RBFOX1: variants seen among roughly 807,000 people sequenced by gnomAD.
RBFOX1 encodes the protein RNA binding protein fox-1 homolog 1.
A neutral mutation model predicts 57.7 loss-of-function variants in RBFOX1; 8 were observed. The observed-to-expected ratio is 0.14, with a 90% CI of 0.08 to 0.25. RBFOX1 has a LOEUF of 0.25. Among genes scored for constraint, RBFOX1 ranks in the 10% least tolerant of loss-of-function variants. The pLI is 1.00. For synonymous variants in RBFOX1, 326 were observed against 222.4 expected, an observed-to-expected ratio of 1.47 and a Z score of -4.15; for missense variants, 611 against 548.5, an observed-to-expected ratio of 1.11 and a Z score of -1.14.
At chr16:6,164,362 T>A (rs1479113783) in intron 1 of RBFOX1, among the ~76,000 whole-genome samples, 1 of 152,186 alleles carries the variant, frequency 6.6e-6, no homozygotes, top group Non-Finnish European at 1.5e-5. Flanking sequence ...ATAGGATTGT[T>A]CTTTGCATAC....
intron 3 of RBFOX1, among the ~76,000 whole-genome samples, chr16:6,859,199 A>ATATATATACGTG (rs1567594061): frequency 3.7e-5 from 4 of 107,784 alleles, no homozygotes; most frequent in Admixed American, 9.1e-5. Flanking sequence ...ATATATATGT[A>ATATATATACGTG]TATATATATA....
At chr16:5,872,336 T>A (rs1222290581) in intron 4 of RBFOX1, among the ~76,000 whole-genome samples, 1 of 152,226 alleles carries the variant, frequency 6.6e-6, no homozygotes, top group Non-Finnish European at 1.5e-5. Context: ...GTTATGTGAC[T>A]GTAGTCAAGT....
At chr16:5,885,198 C>A (rs536910560) in intron 4 of RBFOX1, among the ~76,000 whole-genome samples, 3 of 151,968 alleles carry the variant, frequency 2.0e-5, no homozygotes, top group Non-Finnish European at 4.4e-5. Context: ...TCAGGTTTCT[C>A]AGCGCCTCCT....
chr16:5,627,389 A>G lies in RBFOX1; in HGVS notation c.318+28428A>G, dbSNP rs1176106629. On this transcript the variant is annotated intron_variant, in intron 3 of 19. Transcript: ENST00000641259. The stretch of plus-strand genomic sequence containing the variant: ...CAAATTGTGTATCCCACATTCAGCA[A>G]TTTTGCCTTTTAACCATAGTGATCT... Among the ~76,000 whole-genome samples, 4 of 151,678 alleles carry G rather than the reference A, an allele frequency of 2.6e-5. No individual in the cohort carries two copies. In the East Asian group the frequency reaches 5.8e-4, roughly 22 times the overall value.
At chr16:5,325,015 A>T (rs2064525513) in intron 1 of RBFOX1, among the ~76,000 whole-genome samples, 1 of 152,194 alleles carries the variant, frequency 6.6e-6, no homozygotes, top group Non-Finnish European at 1.5e-5. Context: ...TGAAATCTGT[A>T]CAACAAACAG....
intron 3 of RBFOX1, among the ~76,000 whole-genome samples, chr16:6,847,702 C>T (rs892254451): frequency 4.6e-5 from 7 of 152,110 alleles, no homozygotes; most frequent in East Asian, 1.9e-4. Context: ...CAGTGATCGT[C>T]AGGATTAGAG....
intron 3 of RBFOX1, among the ~76,000 whole-genome samples, chr16:5,748,630 C>T (rs1209766382): frequency 6.6e-6 from 1 of 152,098 alleles, no homozygotes; most frequent in Non-Finnish European, 1.5e-5. Context: ...ATATAATGGC[C>T]TTCTTTGTCT....
chr16:6,909,016 G>A (rs1021708442), intron 3 of RBFOX1, among the ~76,000 whole-genome samples: 4 of 152,110 alleles, frequency 2.6e-5, no homozygotes, highest in Admixed American at 6.5e-5. Flanking sequence ...TTCCATTTCT[G>A]TAGGAGGTTC....
chr16:6,005,678 A>G (rs1427334394), intron 4 of RBFOX1, among the ~76,000 whole-genome samples: 4 of 152,232 alleles, frequency 2.6e-5, no homozygotes, highest in African/African-American at 9.6e-5. Context: ...GTCTCTAGAC[A>G]TTGCCAAATG....
chr16:7,076,454 T>C (rs773391436), intron 4 of RBFOX1, among the ~76,000 whole-genome samples: 6 of 151,970 alleles, frequency 3.9e-5, no homozygotes, highest in Non-Finnish European at 7.4e-5. Context: ...GTTAAGAAAA[T>C]AGGATATACC....
chr16:7,130,657 C>T (rs1013954083), intron 4 of RBFOX1, among the ~76,000 whole-genome samples: 1 of 152,048 alleles, frequency 6.6e-6, no homozygotes, highest in African/African-American at 2.4e-5. Flanking sequence ...TCTCCAGTGC[C>T]TTTTTACTTG....
At chr16:7,132,772 C>G (rs1179503170) in intron 4 of RBFOX1, among the ~76,000 whole-genome samples, 6 of 151,846 alleles carry the variant, frequency 4.0e-5, no homozygotes, top group Admixed American at 2.0e-4. Flanking sequence ...ATAGCTATTT[C>G]AAATACTGAA....
rs556339639 is a variant in RBFOX1 at position 7,022,358 on chromosome 16, G to T, written c.-15-29699G>T. 7.9e-5 allele frequency among the ~76,000 whole-genome samples: 12 copies of T among 151,866 alleles called. No individual in the cohort carries two copies. The East Asian group carries it at 2.2e-3, about 27-fold the overall frequency. ...ATGAACCACCACTGCACCTGGCCGT[G>T]AACCCCATATTCTTAAAGATGGTAG... On this transcript the variant is annotated intron_variant, in intron 3 of 15. Transcript: ENST00000550418.
chr16:6,324,723 A>C (rs1013173351), intron 2 of RBFOX1, among the ~76,000 whole-genome samples: 2 of 152,206 alleles, frequency 1.3e-5, no homozygotes, highest in African/African-American at 4.8e-5. Flanking sequence ...GGGTGAGGAC[A>C]CATGCTCTAT....
intron 1 of RBFOX1, among the ~76,000 whole-genome samples, chr16:5,405,212 T>A (rs2066832343): frequency 6.6e-6 from 1 of 152,166 alleles, no homozygotes; most frequent in South Asian, 2.1e-4. Context: ...ATGCGCTTCC[T>A]TGGTGACATG....
intron 4 of RBFOX1, among the ~76,000 whole-genome samples, chr16:7,200,587 G>A (rs1021977114): frequency 2.0e-5 from 3 of 152,184 alleles, no homozygotes; most frequent in South Asian, 2.1e-4. Context: ...AGTTGTGACA[G>A]AAACTGCCAG....
rs113339528 is a variant in RBFOX1 at position 7,007,052 on chromosome 16, T to G, written c.-15-45005T>G. On this transcript the variant is annotated intron_variant, in intron 3 of 15. Transcript: ENST00000550418. ...AGGTGAGAAATCTAGTTGGCTCATC[T>G]GGTTTCTACACTGTGAGTTTTTCTC... Among the ~76,000 whole-genome samples the G allele has an allele frequency of 3.6e-3, 550 of 152,324 alleles. 5 individuals are homozygous for G. The highest frequency in any genetic ancestry group is 0.012 in the African/African-American group (511 of 41,560).
intron 2 of RBFOX1, among the ~76,000 whole-genome samples, chr16:6,358,625 C>A (rs2087821827): frequency 6.6e-6 from 1 of 152,078 alleles, no homozygotes; most frequent in East Asian, 1.9e-4. Context: ...TCTAATCCTC[C>A]CAACAGCAGG....
At chr16:6,891,379 G>C (rs566886729) in intron 3 of RBFOX1, among the ~76,000 whole-genome samples, 1 of 152,174 alleles carries the variant, frequency 6.6e-6, no homozygotes, top group Admixed American at 6.5e-5. Context: ...CTAAATTTGG[G>C]TCTACCCAGT....
Sources: allele counts gnomAD v4.1 joint callset (sites outside exome capture counted in the v4.1 genomes callset), GRCh38; gene constraint gnomAD v4.1.1; transcripts MANE v1.5; gene names NCBI Gene and HGNC (gene_info 2026-07-23, HGNC 2026-07-21).